NALF1: variants seen among roughly 807,000 people sequenced by gnomAD.
NALF1 encodes NALCN channel auxiliary factor 1, also known as family with sequence similarity 155 member A.
Under a neutral mutation model 48.4 loss-of-function variants are expected in NALF1, and 3 were observed. The observed-to-expected ratio is 0.06, with a 90% CI of 0.03 to 0.16. The LOEUF (loss-of-function observed/expected upper bound fraction) is 0.16, where lower values mean the gene tolerates loss of function less well. Ranked by LOEUF, NALF1 falls within the 10% of genes least tolerant of loss-of-function variation. The probability of loss-of-function intolerance (pLI) is 1.00; values close to 1 mark genes in which losing one functional copy is unlikely to be tolerated. For synonymous variants in NALF1, 262 were observed against 245.7 expected, an observed-to-expected ratio of 1.07 and a Z score of -0.62; for missense variants, 526 against 571.5, an observed-to-expected ratio of 0.92 and a Z score of 0.81.
At chr13:107,427,466 TTTCTTAAGAAGAAC>T (rs1435158974) in intron 1 of NALF1, among the ~76,000 whole-genome samples, 2 of 152,170 alleles carry the variant, frequency 1.3e-5, no homozygotes, top group Admixed American at 6.5e-5. Context: ...TTTTATTTTA[TTTCTTAAGAAGAAC>T]TTCTTAAGAA....
intron 1 of NALF1, among the ~76,000 whole-genome samples, chr13:107,643,761 G>A (rs904929775): frequency 6.6e-6 from 1 of 152,066 alleles, no homozygotes; most frequent in East Asian, 1.9e-4. Context: ...AGAGGAAGTA[G>A]TACCATGCCT....
chr13:107,171,077 G>A (rs1323176447), intron 2 of NALF1, among the ~76,000 whole-genome samples: 2 of 152,234 alleles, frequency 1.3e-5, no homozygotes, highest in African/African-American at 4.8e-5. Context: ...CAGAACTTGA[G>A]GTTCCGGATC....
chr13:107,653,781 A>C (rs13378212), intron 1 of NALF1, among the ~76,000 whole-genome samples: 1 of 151,968 alleles, frequency 6.6e-6, no homozygotes, highest in Non-Finnish European at 1.5e-5. Context: ...TCCCCATCTC[A>C]CACCACACAC....
At chr13:107,402,203 G>A (rs77412130) in intron 1 of NALF1, among the ~76,000 whole-genome samples, 8,292 of 152,202 alleles carry the variant, frequency 0.054, 281 homozygotes, top group Middle Eastern at 0.1. Flanking sequence ...TGCTGGCTTC[G>A]ATAAATCAAT....
intron 1 of NALF1, among the ~76,000 whole-genome samples, chr13:107,783,125 C>T (rs1217561887): frequency 2.9e-5 from 4 of 139,984 alleles, no homozygotes; most frequent in Admixed American, 1.4e-4. Flanking sequence ...CGCCTCTGCC[C>T]GGCCGCCCCT....
intron 1 of NALF1, among the ~76,000 whole-genome samples, chr13:107,670,748 G>T (rs1436393486): frequency 6.6e-6 from 1 of 152,084 alleles, no homozygotes; most frequent in Non-Finnish European, 1.5e-5. Flanking sequence ...TGCTCATATT[G>T]AGATTACAGC....
intron 2 of NALF1, among the ~76,000 whole-genome samples, chr13:107,194,050 ATCTATC>A (rs1442192609): frequency 0.023 from 2,578 of 113,948 alleles, 23 homozygotes; most frequent in East Asian, 0.032. Context: ...CTATCTATCT[ATCTATC>A]TATATATCAA....
intron 2 of NALF1, among the ~76,000 whole-genome samples, chr13:107,209,182 G>A (rs1879705972): frequency 6.6e-6 from 1 of 152,184 alleles, no homozygotes; most frequent in South Asian, 2.1e-4. Flanking sequence ...TCAGTCACGT[G>A]TTCTTTCCAC....
chr13:107,836,306 CAT>C (rs1410408383), intron 1 of NALF1, among the ~76,000 whole-genome samples: 2 of 152,114 alleles, frequency 1.3e-5, no homozygotes, highest in Admixed American at 1.3e-4. Flanking sequence ...TGACTTTAAA[CAT>C]AATACACAGG....
chr13:107,482,025 G>A (rs1231670511), intron 1 of NALF1, among the ~76,000 whole-genome samples: 4 of 152,078 alleles, frequency 2.6e-5, no homozygotes, highest in African/African-American at 9.7e-5. Context: ...GGTACCCAGA[G>A]AGTTGGTCAA....
At chr13:107,356,820 C>A (rs994669616) in intron 1 of NALF1, among the ~76,000 whole-genome samples, 1 of 152,166 alleles carries the variant, frequency 6.6e-6, no homozygotes, top group Non-Finnish European at 1.5e-5. Context: ...TGGAATCAAC[C>A]AGGACCAACA....
At chr13:107,277,373 T>G (rs1420657175) in intron 1 of NALF1, among the ~76,000 whole-genome samples, 1 of 152,222 alleles carries the variant, frequency 6.6e-6, no homozygotes, top group Non-Finnish European at 1.5e-5. Flanking sequence ...GCCTCAATTT[T>G]CTTCTCTCAG....
intron 2 of NALF1, among the ~76,000 whole-genome samples, chr13:107,177,620 G>C (rs1413537349): frequency 6.6e-6 from 1 of 152,102 alleles, no homozygotes; most frequent in African/African-American, 2.4e-5. Flanking sequence ...TTTCGACAAA[G>C]GTGGCAAATA....
chr13:107,459,258 T>A (rs1884877217), intron 1 of NALF1, among the ~76,000 whole-genome samples: 1 of 152,028 alleles, frequency 6.6e-6, no homozygotes, highest in South Asian at 2.1e-4. Context: ...GTTTTTAAGA[T>A]CAGAACAGAC....
chr13:107,241,395 C>T (rs925311907), intron 1 of NALF1, among the ~76,000 whole-genome samples: 1 of 152,078 alleles, frequency 6.6e-6, no homozygotes, highest in Admixed American at 6.5e-5. Flanking sequence ...GAGGAAGCTG[C>T]GATAATAACA....
chr13:107,203,678 G>A (rs1879571271), intron 2 of NALF1, among the ~76,000 whole-genome samples: 1 of 152,106 alleles, frequency 6.6e-6, no homozygotes, highest in Admixed American at 6.5e-5. Flanking sequence ...GGTTCCCTGG[G>A]GCAGCTGGCT....
At chr13:107,187,007 C>G (rs1461509610) in intron 2 of NALF1, among the ~76,000 whole-genome samples, 1 of 152,160 alleles carries the variant, frequency 6.6e-6, no homozygotes, top group African/African-American at 2.4e-5. Context: ...ACCTGCATTT[C>G]CTGGCTCATG....
intron 1 of NALF1, among the ~76,000 whole-genome samples, chr13:107,787,031 T>G (rs1878096256): frequency 6.6e-6 from 1 of 152,184 alleles, no homozygotes; most frequent in Non-Finnish European, 1.5e-5. Flanking sequence ...CTGAGAATGT[T>G]TATATAATCA....
intron 1 of NALF1, among the ~76,000 whole-genome samples, chr13:107,275,025 T>C (rs1442400220): frequency 2.0e-5 from 3 of 152,154 alleles, no homozygotes; most frequent in African/African-American, 4.8e-5. Context: ...GGATAACTGA[T>C]GGATTAGTGT....
Sources: allele counts gnomAD v4.1 joint callset (sites outside exome capture counted in the v4.1 genomes callset), GRCh38; gene constraint gnomAD v4.1.1; transcripts MANE v1.5; gene names NCBI Gene and HGNC (gene_info 2026-07-23, HGNC 2026-07-21).